GRIA4: variants seen among roughly 807,000 people sequenced by gnomAD.
The protein encoded by GRIA4 is glutamate ionotropic receptor AMPA type subunit 4, also known as glutamate receptor 4.
Under a neutral mutation model 104.0 loss-of-function variants are expected in GRIA4, and 34 were observed. The ratio of observed to expected loss-of-function variants is 0.33; its 90% CI spans 0.25 to 0.44. The LOEUF (loss-of-function observed/expected upper bound fraction) is 0.44, where lower values mean the gene tolerates loss of function less well. Ranked by LOEUF, GRIA4 falls within the 20% of genes least tolerant of loss-of-function variation. The pLI is 1.00. For missense variants in GRIA4, 750 were observed against 1,096.5 expected, an observed-to-expected ratio of 0.68 and a Z score of 4.46; for synonymous variants, 386 against 381.9, an observed-to-expected ratio of 1.01 and a Z score of -0.13.
chr11:105,616,364 G>A (rs2135255549), intron 3 of GRIA4, among the ~76,000 whole-genome samples: 1 of 151,644 alleles, frequency 6.6e-6, no homozygotes, highest in Admixed American at 6.6e-5. Flanking sequence ...TGATTTATTT[G>A]TGGACTCTAA....
intron 3 of GRIA4, among the ~76,000 whole-genome samples, chr11:105,649,933 A>G (rs895175399): frequency 6.6e-6 from 1 of 152,124 alleles, no homozygotes; most frequent in Non-Finnish European, 1.5e-5. Flanking sequence ...CATATAATAC[A>G]CTAAAGAAAT....
intron 3 of GRIA4, among the ~76,000 whole-genome samples, chr11:105,634,279 G>A (rs1770488748): frequency 6.6e-6 from 1 of 151,146 alleles, no homozygotes; most frequent in Admixed American, 6.6e-5. Context: ...CCTGGGAGGT[G>A]GAGGTTGTAG....
intron 4 of GRIA4, among the ~76,000 whole-genome samples, chr11:105,834,321 T>A (rs922953002): frequency 6.6e-6 from 1 of 152,098 alleles, no homozygotes; most frequent in South Asian, 2.1e-4. Context: ...GCAAGTATAA[T>A]AGAAACTCAA....
intron 3 of GRIA4, among the ~76,000 whole-genome samples, chr11:105,715,913 G>A (rs932379385): frequency 3.3e-5 from 5 of 152,130 alleles, no homozygotes; most frequent in Admixed American, 6.6e-5. Flanking sequence ...AATGGCCCAC[G>A]TTATTTCTAC....
chr11:105,690,507 A>G (rs1324468366), intron 3 of GRIA4, among the ~76,000 whole-genome samples: 2 of 152,176 alleles, frequency 1.3e-5, no homozygotes, highest in Non-Finnish European at 2.9e-5. Flanking sequence ...GGGGTGCAGT[A>G]CTCTTAAAAA....
rs5794424 is a variant in GRIA4, at chr11:105,742,604, A to ATG, written c.248-10363_248-10362dup. Among the ~76,000 whole-genome samples the ATG allele has an allele frequency of 8.6e-3, 1,300 of 151,124 alleles. 13 individuals carry two copies. The highest frequency in any genetic ancestry group is 0.028 in the African/African-American group (1,163 of 41,230). ...TATACAAGTGTGAGTATATATATAT[A>ATG]TGTGTGTGTGTGTGTATGTATATAT... On this transcript the variant is annotated intron_variant, in intron 3 of 16. Coordinates refer to ENST00000282499, the MANE Select transcript of GRIA4 (RefSeq NM_000829.4).
At chr11:105,703,155 A>G (rs1470566374) in intron 3 of GRIA4, among the ~76,000 whole-genome samples, 1 of 152,202 alleles carries the variant, frequency 6.6e-6, no homozygotes, top group East Asian at 1.9e-4. Flanking sequence ...CCAGTTAAAT[A>G]GTGACTTGTT....
chr11:105,919,673 C>T (rs1417113256), intron 11 of GRIA4, among the ~76,000 whole-genome samples: 1 of 152,118 alleles, frequency 6.6e-6, no homozygotes, highest in Non-Finnish European at 1.5e-5. Flanking sequence ...TCTTCAGCTA[C>T]CACTGTAAAT....
chr11:105,720,994 G>T (rs1428789279), intron 3 of GRIA4, among the ~76,000 whole-genome samples: 1 of 152,148 alleles, frequency 6.6e-6, no homozygotes, highest in Non-Finnish European at 1.5e-5. Flanking sequence ...GAATGGGGCT[G>T]CCTAACTTGA....
At chr11:105,780,761 C>T (rs1002586277) in intron 4 of GRIA4, among the ~76,000 whole-genome samples, 2 of 152,120 alleles carry the variant, frequency 1.3e-5, no homozygotes, top group Non-Finnish European at 2.9e-5. Context: ...GTAACCATAT[C>T]ATAGCCATAA....
intron 3 of GRIA4, among the ~76,000 whole-genome samples, chr11:105,722,387 G>C (rs894574823): frequency 6.6e-6 from 1 of 152,076 alleles, no homozygotes; most frequent in Non-Finnish European, 1.5e-5. Flanking sequence ...GGGGTTATTG[G>C]AGTAGTAAGT....
intron 5 of GRIA4, among the ~76,000 whole-genome samples, chr11:105,866,284 T>C (rs897040374): frequency 6.6e-6 from 1 of 152,080 alleles, no homozygotes; most frequent in Non-Finnish European, 1.5e-5. Context: ...GTCTTTTTGA[T>C]GATTTGTTTT....
intron 4 of GRIA4, among the ~76,000 whole-genome samples, chr11:105,849,088 A>G (rs879416979): frequency 1.3e-5 from 2 of 152,148 alleles, no homozygotes; most frequent in Non-Finnish European, 2.9e-5. Context: ...GAAACTCAGA[A>G]GGCTGAGATA....
At chr11:105,767,523 CAT>C (rs1162039471) in intron 4 of GRIA4, among the ~76,000 whole-genome samples, 1 of 151,920 alleles carries the variant, frequency 6.6e-6, no homozygotes, top group Non-Finnish European at 1.5e-5. Context: ...AAATAAGAAT[CAT>C]ATGCCACAAA....
intron 4 of GRIA4, among the ~76,000 whole-genome samples, chr11:105,857,927 G>A (rs1015418953): frequency 6.6e-6 from 1 of 152,134 alleles, no homozygotes; most frequent in Non-Finnish European, 1.5e-5. Context: ...CTATTGTTGT[G>A]AGTAGCAACA....
chr11:105,778,715 A>G (rs1240021893), intron 4 of GRIA4, among the ~76,000 whole-genome samples: 1 of 152,144 alleles, frequency 6.6e-6, no homozygotes, highest in Non-Finnish European at 1.5e-5. Context: ...AAAACAAAAC[A>G]AAACACCAAC....
At chr11:105,739,587 C>A (rs2135645675) in intron 3 of GRIA4, among the ~76,000 whole-genome samples, 1 of 152,202 alleles carries the variant, frequency 6.6e-6, no homozygotes, top group East Asian at 1.9e-4. Context: ...ATTCAGAATT[C>A]TAAGAAAATT....
At chr11:105,911,889 A>T (rs779071149) in intron 10 of GRIA4, 2 of 1,558,336 alleles carry the variant, frequency 1.3e-6, no homozygotes, top group Admixed American at 3.5e-5. Context: ...CTGATGAAGA[A>T]TCCTATTTTA....
At chr11:105,681,316 G>A (rs551604259) in intron 3 of GRIA4, among the ~76,000 whole-genome samples, 83 of 152,148 alleles carry the variant, frequency 5.5e-4, no homozygotes, top group Non-Finnish European at 9.3e-4. Context: ...GGAAAGAGAT[G>A]GGGGATGAAA....
Sources: allele counts gnomAD v4.1 joint callset (sites outside exome capture counted in the v4.1 genomes callset), GRCh38; gene constraint gnomAD v4.1.1; transcripts MANE v1.5; gene names NCBI Gene and HGNC (gene_info 2026-07-23, HGNC 2026-07-21).